CWC27: variants seen among roughly 807,000 people sequenced by gnomAD.
CWC27 encodes the protein CWC27 spliceosome associated cyclophilin.
Under a neutral mutation model 63.6 loss-of-function variants are expected in CWC27, and 47 were observed. That is an observed-to-expected ratio of 0.74 (90% CI 0.58 to 0.94). CWC27 has a LOEUF of 0.94. Among genes scored for constraint, CWC27 ranks in the 40% least tolerant of loss-of-function variants. The probability of loss-of-function intolerance (pLI) is 0.00; values close to 1 mark genes in which losing one functional copy is unlikely to be tolerated. For missense variants in CWC27, 495 were observed against 554.3 expected (o/e 0.89, Z 1.07); for synonymous variants, 175 against 179.8 (o/e 0.97, Z 0.22).
At chr5:64,993,848 G>T (rs1412930410) in intron 13 of CWC27, among the ~76,000 whole-genome samples, 1 of 152,088 alleles carries the variant, frequency 6.6e-6, no homozygotes, top group Non-Finnish European at 1.5e-5. Context: ...AAAGACAGTT[G>T]CCCTTATACA....
chr5:65,005,561 A>C (rs1345544993), intron 13 of CWC27, among the ~76,000 whole-genome samples: 1 of 152,166 alleles, frequency 6.6e-6, no homozygotes, highest in African/African-American at 2.4e-5. Flanking sequence ...TGGTGGTGAC[A>C]GATGGGGCAG....
At chr5:64,853,040 G>A (rs1561435180) in intron 10 of CWC27, among the ~76,000 whole-genome samples, 1 of 152,104 alleles carries the variant, frequency 6.6e-6, no homozygotes, top group Non-Finnish European at 1.5e-5. Context: ...ACATTGAAAA[G>A]TATTCACATG....
intron 13 of CWC27, among the ~76,000 whole-genome samples, chr5:65,004,891 T>C (rs1178382763): frequency 2.8e-5 from 2 of 70,462 alleles, no homozygotes; most frequent in African/African-American, 1.1e-4. Context: ...TATATATATA[T>C]ATATATATAT....
chr5:64,967,477 G>A (rs1414360717), intron 11 of CWC27, among the ~76,000 whole-genome samples: 1 of 151,950 alleles, frequency 6.6e-6, no homozygotes, highest in East Asian at 1.9e-4. Flanking sequence ...CAAAATAGTT[G>A]TGAAAAAGAA....
At chr5:64,858,591 T>A (rs930810113) in intron 10 of CWC27, among the ~76,000 whole-genome samples, 1 of 151,906 alleles carries the variant, frequency 6.6e-6, no homozygotes, top group Non-Finnish European at 1.5e-5. Context: ...AGACAATGTT[T>A]TAAGTGAACA....
At chr5:64,841,422 A>T (rs1745832433) in intron 10 of CWC27, among the ~76,000 whole-genome samples, 2 of 152,226 alleles carry the variant, frequency 1.3e-5, no homozygotes, top group Non-Finnish European at 2.9e-5. Flanking sequence ...TTGAATTTCA[A>T]CATGAGTTTT....
intron 11 of CWC27, among the ~76,000 whole-genome samples, chr5:64,958,496 A>T (rs1580749486): frequency 6.6e-6 from 1 of 152,190 alleles, no homozygotes; most frequent in East Asian, 1.9e-4. Context: ...TTTATGCAGA[A>T]TTTAAAAATC....
chr5:64,938,573 A>T (rs1748407633), intron 11 of CWC27, among the ~76,000 whole-genome samples: 2 of 152,018 alleles, frequency 1.3e-5, no homozygotes, highest in Admixed American at 1.3e-4. Context: ...GAATCTGACA[A>T]TTATATGTCT....
intron 13 of CWC27, among the ~76,000 whole-genome samples, chr5:64,991,682 T>C (rs564011467): frequency 3.9e-5 from 6 of 152,328 alleles, no homozygotes; most frequent in African/African-American, 1.4e-4. Flanking sequence ...GCTATGATCA[T>C]GCCACTGCAC....
rs147976552 is a variant in CWC27 at position 64,891,537 on chromosome 5, G to A, written c.1042+5991G>A. Reference sequence around the variant, plus strand: ...AGAATTTAATCTTTTGGTAAAGTAAGAGATGATCATCTTTAAGAGTCCATA... The same window carrying A: ...AGAATTTAATCTTTTGGTAAAGTAAAAGATGATCATCTTTAAGAGTCCATA... On this transcript the variant is annotated intron_variant, in intron 11 of 13. Transcript: ENST00000381070. 1.5e-3 allele frequency among the ~76,000 whole-genome samples: 221 copies of A among 152,236 alleles called. 1 individual carries two copies. The highest frequency in any genetic ancestry group is 4.9e-3 in the African/African-American group (203 of 41,546).
intron 11 of CWC27, among the ~76,000 whole-genome samples, chr5:64,893,388 T>A (rs1369054233): frequency 6.6e-6 from 1 of 152,252 alleles, no homozygotes; most frequent in African/African-American, 2.4e-5. Context: ...AACTTTATAG[T>A]GTAAACCTGT....
chr5:64,999,617 C>T (rs2548482), intron 13 of CWC27, among the ~76,000 whole-genome samples: 23,066 of 152,042 alleles, frequency 0.15, 1,970 homozygotes, highest in Non-Finnish European at 0.19. Context: ...GCTTATTTCA[C>T]TTAACATCAT....
At chr5:64,998,796 A>AT (rs1749682911) in intron 13 of CWC27, among the ~76,000 whole-genome samples, 2 of 150,910 alleles carry the variant, frequency 1.3e-5, no homozygotes, top group South Asian at 2.1e-4. Flanking sequence ...TTCTATTCTT[A>AT]TTTTTTTGTT....
At chr5:64,908,457 G>A (rs1014892867) in intron 11 of CWC27, among the ~76,000 whole-genome samples, 7 of 152,244 alleles carry the variant, frequency 4.6e-5, no homozygotes, top group East Asian at 3.9e-4. Flanking sequence ...CTTCTGTCTC[G>A]TTGATCTGTC....
At chr5:64,824,519 G>A (rs961115554) in intron 10 of CWC27, among the ~76,000 whole-genome samples, 105 of 152,216 alleles carry the variant, frequency 6.9e-4, no homozygotes, top group African/African-American at 2.4e-3. Flanking sequence ...TGTGCATATT[G>A]TGACCTGAAA....
chr5:64,853,681 G>C (rs1206471328), intron 10 of CWC27, among the ~76,000 whole-genome samples: 1 of 152,128 alleles, frequency 6.6e-6, no homozygotes, highest in African/African-American at 2.4e-5. Context: ...TGGGGAGCCA[G>C]CATGTTTTAA....
chr5:64,845,390 C>T (rs747009488), intron 10 of CWC27, among the ~76,000 whole-genome samples: 11 of 152,158 alleles, frequency 7.2e-5, no homozygotes, highest in Middle Eastern at 3.4e-3. Context: ...CCCAAAGAAA[C>T]GGAGATATTT....
chr5:64,924,136 T>C (rs1580729292), intron 11 of CWC27, among the ~76,000 whole-genome samples: 1 of 152,216 alleles, frequency 6.6e-6, no homozygotes, highest in African/African-American at 2.4e-5. Flanking sequence ...GTTAGTCTTA[T>C]ACATGTGGAG....
At chr5:64,836,833 A>G (rs543858889) in intron 10 of CWC27, among the ~76,000 whole-genome samples, 6 of 152,180 alleles carry the variant, frequency 3.9e-5, no homozygotes, top group South Asian at 4.1e-4. Context: ...TTGTTTGCAG[A>G]AGGTGGAACC....
Sources: allele counts gnomAD v4.1 joint callset (sites outside exome capture counted in the v4.1 genomes callset), GRCh38; gene constraint gnomAD v4.1.1; transcripts MANE v1.5; gene names NCBI Gene and HGNC (gene_info 2026-07-23, HGNC 2026-07-21).